Variants in HYDIN observed in about 807,000 individuals in gnomAD.
The protein encoded by HYDIN is axonemal central pair apparatus protein HYDIN.
In HYDIN, 132 loss-of-function variants were observed where a neutral mutation model predicts 403.9. That is an observed-to-expected ratio of 0.33 (90% CI 0.28 to 0.38). HYDIN has a LOEUF of 0.38. Ranked by LOEUF, HYDIN falls within the 10% of genes least tolerant of loss-of-function variation. HYDIN has a pLI of 1.00. For synonymous variants in HYDIN, 1,202 were observed against 1,891.7 expected, an observed-to-expected ratio of 0.64 and a Z score of 9.46; for missense variants, 2,827 against 5,009.5, an observed-to-expected ratio of 0.56 and a Z score of 13.15.
At chr16:71,163,178 A>C (rs1436199231) in intron 5 of HYDIN, among the ~76,000 whole-genome samples, 1 of 141,816 alleles carries the variant, frequency 7.1e-6, no homozygotes, top group East Asian at 2.1e-4. Flanking sequence ...GCTGGAGTGC[A>C]GTGGCGCAAT....
Position 70,932,657 on chromosome 16 carries a change from G to A in HYDIN, c.7158+3295C>T, listed in dbSNP as rs957374035. Among the ~76,000 whole-genome samples the A allele has an allele frequency of 3.3e-5, 5 of 152,294 alleles. No homozygotes were observed. The East Asian group carries it at 9.6e-4, about 29-fold the overall frequency. ...TTTGTCTTATTCAATTTTAAATAGAGTGGCCAGGGAAGGCCTTGCTGGGAT... is the reference window on the plus strand; with the variant it reads ...TTTGTCTTATTCAATTTTAAATAGAATGGCCAGGGAAGGCCTTGCTGGGAT... On this transcript the variant is annotated intron_variant, in intron 45 of 85. Coordinates refer to ENST00000393567, the MANE Select transcript of HYDIN (RefSeq NM_001270974.2).
chr16:70,817,749 T>C (rs190706013), intron 84 of HYDIN, among the ~76,000 whole-genome samples: 26 of 152,112 alleles, frequency 1.7e-4, no homozygotes, highest in Admixed American at 1.5e-3. Flanking sequence ...TATTTTATTT[T>C]ATATTATTTT....
intron 74 of HYDIN, 101 bp downstream of exon 74, chr16:70,850,347 T>C: frequency 2.1e-6 from 2 of 933,440 alleles, no homozygotes; most frequent in East Asian, 2.6e-5. Context: ...CTGGTCTCTC[T>C]GGCATTTGAA....
In HYDIN at chr16:71,067,008, T is replaced by G. The variant is rs538196989; in HGVS notation, c.2075+282A>C. 42 of 661,874 alleles carry G rather than the reference T, an allele frequency of 6.3e-5. No homozygotes were observed. The Middle Eastern group carries it at 9.1e-4, about 14-fold the overall frequency. The allele number at this position is 661,874 out of a possible 1,614,324, so 41.0% of individuals were successfully genotyped here. The stretch of plus-strand genomic sequence containing the variant: ...CTAAAACCTTTCTGGTTACATACTT[T>G]GAAAGTCAAACCCGTTAGAGAGGGT... On this transcript the variant is annotated intron_variant, in intron 15 of 85. Transcript: ENST00000393567.
At chr16:71,219,113 G>T (rs911464656) in intron 1 of HYDIN, among the ~76,000 whole-genome samples, 1 of 152,102 alleles carries the variant, frequency 6.6e-6, no homozygotes, top group Non-Finnish European at 1.5e-5. Flanking sequence ...TGGGTGGATT[G>T]TTTATAATAA....
At chr16:70,905,099 A>T (rs1232270818) in intron 50 of HYDIN, among the ~76,000 whole-genome samples, 1 of 152,188 alleles carries the variant, frequency 6.6e-6, no homozygotes, top group Admixed American at 6.5e-5. Flanking sequence ...ACACTCTGAA[A>T]AAGGTTTTAG....
In HYDIN at chr16:71,027,082, A is replaced by G. The variant is rs1309665635; in HGVS notation, c.3042+520T>C. ...GTTTTACGTAGAGTGTATGGAGATC[A>G]TGTAAATAAAAGCAGGGAATCAGAG... On this transcript the variant is annotated intron_variant, in intron 20 of 85. Transcript: ENST00000393567. 6 of 950,004 alleles carry G rather than the reference A, an allele frequency of 6.3e-6. No homozygotes were observed. In the African/African-American group the frequency reaches 9.0e-5, roughly 14 times the overall value. 58.8% of individuals were successfully genotyped at this position (950,004 alleles called of 1,614,324 possible). A position where few individuals can be genotyped will look rare whatever the true frequency, so the allele number is the denominator to read the frequency against.
At position 70,892,546 on chromosome 16, in the gene HYDIN, A is replaced by G; in HGVS notation, c.9249-17T>C. On this transcript the variant is annotated splice_polypyrimidine_tract_variant and intron_variant, in intron 55 of 85. Transcript: ENST00000393567. ...ACGGAAAAGCTGAAAGACAAGAATA[A>G]GAAGTCAGCCTAGGTCATTATCCCG... 6.2e-7 allele frequency: 1 copy of G among 1,606,048 alleles called. No homozygotes were observed. Among genetic ancestry groups the G allele is most frequent in the Non-Finnish European group, 8.5e-7 (1 of 1,176,214 alleles).
At chr16:71,016,156 C>T (rs546531504) in intron 23 of HYDIN, among the ~76,000 whole-genome samples, 7 of 152,236 alleles carry the variant, frequency 4.6e-5, no homozygotes, top group Non-Finnish European at 8.8e-5. Flanking sequence ...AGCTTCTGCG[C>T]AGCAAAGGAA....
chr16:70,931,238 T>A (rs140047083), intron 45 of HYDIN, among the ~76,000 whole-genome samples: 2 of 100,840 alleles, frequency 2.0e-5, no homozygotes, highest in East Asian at 2.7e-4. Context: ...TTTTTTTTAA[T>A]ACAGGGTCTT....
chr16:70,878,119 T>A (rs2040557924), intron 62 of HYDIN, among the ~76,000 whole-genome samples: 1 of 152,134 alleles, frequency 6.6e-6, no homozygotes, highest in Non-Finnish European at 1.5e-5. Flanking sequence ...AAATGAATCA[T>A]GGGGGCGGGT....
At position 70,974,217 on chromosome 16, in the gene HYDIN, C is replaced by G. The variant is rs575619963; in HGVS notation, c.4993G>C (p.Ala1665Pro). 2 of 1,581,936 alleles carry G rather than the reference C, an allele frequency of 1.3e-6. No homozygotes were observed. The highest frequency in any genetic ancestry group is 1.7e-6 in the Non-Finnish European group (2 of 1,163,408). Residue 1665 changes from alanine to proline, a missense_variant, in exon 33 of 86, where the codon GCC becomes CCC. By Grantham distance (27) the Ala-to-Pro change is conservative. Coordinates refer to ENST00000393567, the MANE Select transcript of HYDIN (RefSeq NM_001270974.2). ...TCTTTGCTTCCAACAGGAAGATTGG[C>G]CCCCTGTGGGTCAAATCTCACTTCA... The part of the protein sequence containing the change: ...IFEVRFDPQG[A>P]NLPVGSKEVI...
Position 71,039,619 on chromosome 16 carries a change from G to A in HYDIN, c.2530-7702C>T, listed in dbSNP as rs566303871. Among the ~76,000 whole-genome samples, 279 of 152,232 alleles carry A rather than the reference G, an allele frequency of 1.8e-3. 1 individual carries two copies. Among genetic ancestry groups the A allele is most frequent in the Admixed American group, 5.6e-3 (85 of 15,298 alleles). On this transcript the variant is annotated intron_variant, in intron 18 of 85. Coordinates refer to ENST00000393567, the MANE Select transcript of HYDIN (RefSeq NM_001270974.2). ...CAGCTGGATGTTGGGGATTACAGAG[G>A]GGACACTTTGATGGCATAACTTCAG...
At chr16:70,850,683 C>A (rs1342695903) in intron 73 of HYDIN, 28 bp from the exon 74 acceptor site, 1 of 1,494,026 alleles carries the variant, frequency 6.7e-7, no homozygotes, top group Admixed American at 1.8e-5. Flanking sequence ...CAGCAGATTA[C>A]CTGACTAGGC....
chr16:70,907,672 C>T (rs1429177664), intron 49 of HYDIN, among the ~76,000 whole-genome samples, 181 bp from the exon 50 acceptor site: 1 of 150,632 alleles, frequency 6.6e-6, no homozygotes, highest in Non-Finnish European at 1.5e-5. Flanking sequence ...ATGAAATGAA[C>T]TTGAAAAAAA....
Position 70,991,354 on chromosome 16 carries a change from T to G in HYDIN, c.3828A>C (p.Glu1276Asp). 6.2e-7 allele frequency: 1 copy of G among 1,614,088 alleles called. No homozygotes were observed. The highest frequency in any genetic ancestry group is 8.5e-7 in the Non-Finnish European group (1 of 1,179,980). Residue 1276 changes from glutamate (E) to aspartate (D), a missense_variant, in exon 25 of 86, where the codon GAA becomes GAC. Physicochemically the swap from Glu to Asp is conservative, Grantham distance 45. Coordinates refer to ENST00000393567, the MANE Select transcript of HYDIN (RefSeq NM_001270974.2). ...VDEDARPEEK[E>D]LRKTKASSVI... ...CACTGGAAGCTTTCGTTTTTCTTAG[T>G]TCTTTTTCTTCAGGCCTGGCATCTT...
chr16:71,072,527 G>A (rs150015096), intron 13 of HYDIN, among the ~76,000 whole-genome samples: 3,869 of 151,800 alleles, frequency 0.025, 80 homozygotes, highest in Middle Eastern at 0.048. Flanking sequence ...TTTATAGTGC[G>A]TTAGCCCTTT....
At chr16:70,820,468 C>T (rs527810878) in intron 83 of HYDIN, among the ~76,000 whole-genome samples, 282 of 150,994 alleles carry the variant, frequency 1.9e-3, no homozygotes, top group African/African-American at 5.6e-3. Flanking sequence ...TGTGAGCCAC[C>T]GTGCCGGGCC....
intron 45 of HYDIN, among the ~76,000 whole-genome samples, chr16:70,923,777 T>C (rs1425878187): frequency 6.9e-6 from 1 of 145,290 alleles, no homozygotes. Context: ...GCCGAGATCA[T>C]GCCACTGCAC....
Sources: gnomAD v4.1 joint callset for allele counts (sites outside exome capture counted in the v4.1 genomes callset) on GRCh38, gnomAD v4.1.1 for gene constraint, MANE v1.5 for transcripts, NCBI Gene and HGNC (gene_info 2026-07-23, HGNC 2026-07-21) for gene names.